ARMH3: variants seen among roughly 807,000 people sequenced by gnomAD.
The protein encoded by ARMH3 is armadillo-like helical domain-containing protein 3.
Under a neutral mutation model 99.1 loss-of-function variants are expected in ARMH3, and 60 were observed. That is an observed-to-expected ratio of 0.61 (90% CI 0.49 to 0.75). The LOEUF (loss-of-function observed/expected upper bound fraction) is 0.75, where lower values mean the gene tolerates loss of function less well. Ranked by LOEUF, ARMH3 falls within the 30% of genes least tolerant of loss-of-function variation. The pLI, the probability that ARMH3 is intolerant of heterozygous loss-of-function variation, is 0.00. For synonymous variants in ARMH3, 285 were observed against 292.8 expected (o/e 0.97, Z 0.27); for missense variants, 679 against 843.1 (o/e 0.81, Z 2.41).
At chr10:101,847,730 C>T in intron 25 of ARMH3, 110 bp from the exon 26 acceptor site, 1 of 967,044 alleles carries the variant, frequency 1.0e-6, no homozygotes, top group Non-Finnish European at 1.7e-6. Context: ...CACTAGAAGT[C>T]TCTCTCTTAG....
chr10:101,907,385 G>GTT (rs773919740), intron 23 of ARMH3, among the ~76,000 whole-genome samples: 18 of 136,852 alleles, frequency 1.3e-4, no homozygotes, highest in East Asian at 2.1e-4. Flanking sequence ...CTTTGTTTTT[G>GTT]TTTTTTTTTT....
chr10:101,989,740 A>G (rs1846684422), intron 19 of ARMH3, among the ~76,000 whole-genome samples: 1 of 152,146 alleles, frequency 6.6e-6, no homozygotes, highest in Non-Finnish European at 1.5e-5. Flanking sequence ...ACAAAAACAA[A>G]AACAAAAAAC....
chr10:101,973,295 G>A (rs1845849759), intron 20 of ARMH3, among the ~76,000 whole-genome samples: 1 of 150,290 alleles, frequency 6.7e-6, no homozygotes, highest in Admixed American at 6.6e-5. Context: ...CCGGGAGGCG[G>A]AGCTTGCAGT....
At chr10:102,038,637 T>C (rs2067334962) in intron 2 of ARMH3, among the ~76,000 whole-genome samples, 2 of 152,204 alleles carry the variant, frequency 1.3e-5, no homozygotes, top group African/African-American at 4.8e-5. Context: ...ATGAGGATAC[T>C]ACCAGTGCCC....
chr10:102,029,793 T>C, intron 4 of ARMH3, 48 bp from the exon 5 acceptor site: 2 of 1,558,710 alleles, frequency 1.3e-6, no homozygotes, highest in Non-Finnish European at 1.8e-6. Flanking sequence ...AGTCTCAGGG[T>C]CTGTAGACCC....
At chr10:102,010,072 G>C (rs376970728) in intron 11 of ARMH3, 49 bp from the exon 12 acceptor site, 29 of 1,554,586 alleles carry the variant, frequency 1.9e-5, no homozygotes, top group Non-Finnish European at 2.5e-5. Flanking sequence ...GGATATGAGA[G>C]GAGCTTTATG....
chr10:101,973,251 A>G (rs1015997524), intron 20 of ARMH3, among the ~76,000 whole-genome samples: 1 of 151,156 alleles, frequency 6.6e-6, no homozygotes, highest in South Asian at 2.1e-4. Flanking sequence ...AGTCCCAGCT[A>G]CTCAGGAGGG....
chr10:101,885,466 T>C (rs773288093), intron 24 of ARMH3, among the ~76,000 whole-genome samples: 8 of 152,206 alleles, frequency 5.3e-5, no homozygotes, highest in Non-Finnish European at 8.8e-5. Flanking sequence ...AACAAAATTG[T>C]GGCACATGGT....
At chr10:102,019,482 G>A (rs2066827120) in intron 8 of ARMH3, among the ~76,000 whole-genome samples, 2 of 152,164 alleles carry the variant, frequency 1.3e-5, no homozygotes, top group Non-Finnish European at 2.9e-5. Flanking sequence ...ATCATAGGAG[G>A]TAACAGCTTC....
intron 11 of ARMH3, among the ~76,000 whole-genome samples, chr10:102,011,140 C>T (rs2066620205): frequency 6.6e-6 from 1 of 151,368 alleles, no homozygotes; most frequent in Non-Finnish European, 1.5e-5. Context: ...GAAACCTTGC[C>T]CTGGAGTCTT....
At chr10:102,037,438 C>T (rs2067303762) in intron 2 of ARMH3, among the ~76,000 whole-genome samples, 1 of 152,120 alleles carries the variant, frequency 6.6e-6, no homozygotes, top group African/African-American at 2.4e-5. Flanking sequence ...CCCCCCTTGG[C>T]CTCACAAACT....
At chr10:101,881,461 T>A (rs1019588808) in intron 24 of ARMH3, among the ~76,000 whole-genome samples, 5 of 152,302 alleles carry the variant, frequency 3.3e-5, no homozygotes, top group South Asian at 2.1e-4. Context: ...GAAAAAGTTC[T>A]AGAGATCTGT....
At chr10:101,942,676 A>G (rs1229426147) in intron 22 of ARMH3, among the ~76,000 whole-genome samples, 1 of 152,170 alleles carries the variant, frequency 6.6e-6, no homozygotes, top group Non-Finnish European at 1.5e-5. Context: ...AGCCTAGCCA[A>G]CATGGTGAAA....
intron 22 of ARMH3, among the ~76,000 whole-genome samples, chr10:101,952,431 A>G (rs1844834974): frequency 6.6e-6 from 1 of 152,226 alleles, no homozygotes; most frequent in Non-Finnish European, 1.5e-5. Context: ...ACGATGACTA[A>G]ATGTAATGTG....
intron 22 of ARMH3, among the ~76,000 whole-genome samples, chr10:101,952,120 C>T (rs1358208127): frequency 6.6e-6 from 1 of 152,022 alleles, no homozygotes; most frequent in Non-Finnish European, 1.5e-5. Flanking sequence ...AAGAATAAGA[C>T]ATGATAAAAA....
intron 19 of ARMH3, among the ~76,000 whole-genome samples, chr10:101,982,754 C>T (rs1846291972): frequency 6.6e-6 from 1 of 151,972 alleles, no homozygotes; most frequent in South Asian, 2.1e-4. Context: ...TTATGATAAT[C>T]TAATGCCTCA....
chr10:101,878,233 G>A (rs994527812), intron 24 of ARMH3, among the ~76,000 whole-genome samples: 8 of 152,132 alleles, frequency 5.3e-5, no homozygotes, highest in Admixed American at 3.3e-4. Context: ...CCTCTGGCCT[G>A]GGCGACAGAG....
chr10:102,007,529 G>A (rs2066526786), intron 13 of ARMH3, among the ~76,000 whole-genome samples: 1 of 151,246 alleles, frequency 6.6e-6, no homozygotes, highest in African/African-American at 2.4e-5. Flanking sequence ...ACTATAAAAA[G>A]AGCTATTCAG....
intron 2 of ARMH3, 53 bp downstream of exon 2, chr10:102,039,960 T>C (rs538657615): frequency 4.1e-5 from 61 of 1,500,044 alleles, no homozygotes; most frequent in Non-Finnish European, 4.8e-5. Flanking sequence ...TTTCTCATCT[T>C]GGACTAAGAA....
Sources: allele counts gnomAD v4.1 joint callset (sites outside exome capture counted in the v4.1 genomes callset), GRCh38; gene constraint gnomAD v4.1.1; transcripts MANE v1.5; gene names NCBI Gene and HGNC (gene_info 2026-07-23, HGNC 2026-07-21).